TMEM259: variants seen among roughly 807,000 people sequenced by gnomAD.
The protein encoded by TMEM259 is membralin.
A neutral mutation model predicts 46.7 loss-of-function variants in TMEM259; 26 were observed. The ratio of observed to expected loss-of-function variants is 0.56; its 90% confidence interval spans 0.41 to 0.77. The LOEUF (loss-of-function observed/expected upper bound fraction) is 0.77. TMEM259 is among the 30% of genes least tolerant of loss of function. TMEM259 has a pLI of 0.00. For synonymous variants in TMEM259, 494 were observed against 395.1 expected (o/e 1.25, Z -2.97); for missense variants, 930 against 900.5 (o/e 1.03, Z -0.42).
chr19:1,021,033 C>A lies in TMEM259; in HGVS notation c.-37G>T. 1.5e-6 allele frequency: 2 copies of A among 1,330,150 alleles called. No homozygotes were observed. The highest frequency in any genetic ancestry group is 1.7e-5 in the South Asian group (1 of 57,478). The allele number at this position is 1,330,150 out of a possible 1,614,324, so 82.4% of individuals were successfully genotyped here. A position where few individuals can be genotyped will look rare whatever the true frequency, so the allele number is the denominator to read the frequency against. On this transcript the variant is annotated 5_prime_UTR_variant, in exon 1 of 11. Coordinates refer to ENST00000356663, the MANE Select transcript of TMEM259 (RefSeq NM_001033026.2). ...TCGCGCCCTAACGACCCGCAAGTGT[C>A]CGAGGGCGCCTCCCGGCCGCCATCG...
At chr19:1,016,649 C>A (rs553133681) in intron 1 of TMEM259, among the ~76,000 whole-genome samples, 10 of 152,216 alleles carry the variant, frequency 6.6e-5, no homozygotes, top group African/African-American at 2.4e-4. Flanking sequence ...GGAACTGACA[C>A]AGAGGTCCCG....
At chr19:1,011,831 G>GCTGCGAGGGC in intron 6 of TMEM259, 33 bp from the exon 7 acceptor site, 1 of 1,587,254 alleles carries the variant, frequency 6.3e-7, no homozygotes, top group Non-Finnish European at 8.6e-7. Context: ...GCTATGAGGG[G>GCTGCGAGGGC]CTGCGAGGGC....
chr19:1,009,690 A>C lies in TMEM259; in HGVS notation c.*660T>G. On this transcript the variant is annotated 3_prime_UTR_variant, in exon 11 of 11. Coordinates refer to ENST00000356663, the MANE Select transcript of TMEM259 (RefSeq NM_001033026.2). ...ACAGTTTATTCTATATACAAACACA[A>C]TTTTGTACACTGCAATTAAATAGAA... 9.4e-7 allele frequency: 1 copy of C among 1,059,650 alleles called. No individual in the cohort carries two copies. The highest frequency in any genetic ancestry group is 1.3e-6 in the Non-Finnish European group (1 of 798,244). 65.6% of individuals were successfully genotyped at this position (1,059,650 alleles called of 1,614,324 possible).
intron 10 of TMEM259, 61 bp from the exon 11 acceptor site, chr19:1,010,956 C>T: frequency 6.4e-7 from 1 of 1,561,684 alleles, no homozygotes; most frequent in East Asian, 2.3e-5. Context: ...GCCGCTGCTC[C>T]CAGAGGGCAG....
At chr19:1,015,982 A>G (rs117062406) in intron 1 of TMEM259, among the ~76,000 whole-genome samples, 1,927 of 152,264 alleles carry the variant, frequency 0.013, 1 homozygote, top group Non-Finnish European at 0.021. Flanking sequence ...GTCTAGCCGC[A>G]CGTGCACCTG....
intron 9 of TMEM259, 29 bp downstream of exon 9, chr19:1,011,338 A>G (rs1035358839): frequency 1.9e-6 from 3 of 1,556,380 alleles, no homozygotes; most frequent in African/African-American, 2.7e-5. Flanking sequence ...ACCAGCACCC[A>G]CTCCACCCTG....
Position 1,011,763 on chromosome 19 carries a change from G to A in TMEM259, c.978C>T (p.His326=), listed in dbSNP as rs1235573670. The change falls in exon 7 of 11, where the codon CAC becomes CAT. Residue 326 remains histidine (H), a synonymous_variant. Coordinates refer to ENST00000356663, the MANE Select transcript of TMEM259 (RefSeq NM_001033026.2). ...LSVSMLLRYS[H]HQIFVFIVDL... ...CACCGATGAAGACGAAGATCTGGTG[G>A]TGTGAGTACCGCAGCAGCATGGACA... 5.8e-6 allele frequency: 9 copies of A among 1,559,230 alleles called. No individual in the cohort carries two copies. The highest frequency in any genetic ancestry group is 3.8e-5 in the Admixed American group (2 of 52,494).
chr19:1,020,908 G>A lies in TMEM259; in HGVS notation c.89C>T (p.Pro30Leu), dbSNP rs377599824. Residue 30 changes from proline (P) to leucine (L), a missense_variant, in exon 1 of 11, where the codon CCC (proline) becomes CTC (leucine). Coordinates refer to ENST00000356663, the MANE Select transcript of TMEM259 (RefSeq NM_001033026.2). The surrounding 1 kb of genome is among the most constrained non-coding windows in gnomAD (Gnocchi z 4.0). Reference protein sequence around the residue: ...GPAPARGPRTPNLNPNPLINV... With the variant: ...GPAPARGPRTLNLNPNPLINV... ...GATGAGGGGGTTGGGGTTGAGATTG[G>A]GGGTGCGAGGCCCGCGCGCGGGGGC... 7.8e-5 allele frequency: 100 copies of A among 1,282,500 alleles called. 1 individual carries two copies. The South Asian group carries it at 1.1e-3, about 14-fold the overall frequency. The allele number at this position is 1,282,500 out of a possible 1,614,324, so 79.4% of individuals were successfully genotyped here.
At chr19:1,014,081 C>G (rs1171339752) in intron 2 of TMEM259, 111 bp downstream of exon 2, 33 of 1,367,078 alleles carry the variant, frequency 2.4e-5, no homozygotes, top group Non-Finnish European at 2.2e-5. Flanking sequence ...CATGCCAGGT[C>G]CCTGAAAGTC....
Position 1,011,195 on chromosome 19 carries a change from C to T in TMEM259, c.1218G>A (p.Arg406=). The part of the protein sequence containing the change: ...HTSTSKRHWL[R]FFYLYHFAFY... The stretch of plus-strand genomic sequence containing the variant: ...AGGCGAAGTGGTAGAGATAGAAGAA[C>T]CTGCGGGGCGGGGTGAGGGCGTCGG... The change falls in exon 10 of 11, where the codon CGG becomes CGA. Residue 406 remains arginine (R), a splice_region_variant and synonymous_variant. Coordinates refer to ENST00000356663, the MANE Select transcript of TMEM259 (RefSeq NM_001033026.2). 5 of 1,590,888 alleles carry T rather than the reference C, an allele frequency of 3.1e-6. No individual in the cohort carries two copies. Among genetic ancestry groups the T allele is most frequent in the South Asian group, 1.1e-5 (1 of 88,354 alleles).
chr19:1,020,732 GC>G lies in TMEM259; in HGVS notation c.225+39del, dbSNP rs1420139357. The G allele has an allele frequency of 7.9e-7, 1 of 1,272,266 alleles. No individual in the cohort carries two copies. Among genetic ancestry groups the G allele is most frequent in the African/African-American group, 1.5e-5 (1 of 64,598 alleles). 78.8% of individuals were successfully genotyped at this position (1,272,266 alleles called of 1,614,324 possible). On this transcript the variant is annotated intron_variant, in intron 1 of 10. Transcript: ENST00000356663. The surrounding 1 kb of genome is among the most constrained non-coding windows in gnomAD (Gnocchi z 4.0). ...GGTAGCAGACTTGGGGGTCGGGACA[GC>G]CGCTGGGGTCAAGGGTCGGGGGTCG...
chr19:1,016,817 A>T (rs973917820), intron 1 of TMEM259, among the ~76,000 whole-genome samples: 3 of 152,146 alleles, frequency 2.0e-5, no homozygotes, highest in African/African-American at 7.2e-5. Flanking sequence ...CAGGACACAC[A>T]TCCTGCCACA....
At chr19:1,013,147 AGGCTGGGGATGTTCGGAGGGACCCC>A in intron 3 of TMEM259, 69 bp downstream of exon 3, 1 of 1,109,558 alleles carries the variant, frequency 9.0e-7, no homozygotes. Flanking sequence ...TGCAGCCAGC[AGGCTGGGGATGTTCGGAGGGACCCC>A]GCCTGCACCC....
At chr19:1,014,148 C>A (rs765254930) in intron 2 of TMEM259, 44 bp downstream of exon 2, 1 of 1,577,992 alleles carries the variant, frequency 6.3e-7, no homozygotes, top group Non-Finnish European at 8.7e-7. Flanking sequence ...CCAGCATCTA[C>A]GGGGCGCTGG....
At chr19:1,011,544 C>T (rs766240963) in intron 8 of TMEM259, 36 bp downstream of exon 8, 1 of 1,525,034 alleles carries the variant, frequency 6.6e-7, no homozygotes, top group African/African-American at 1.4e-5. Flanking sequence ...GGGCGGGGTG[C>T]AGCGCGGGGC....
In TMEM259 at chr19:1,020,057, C is replaced by T. The variant is rs968367796; in HGVS notation, c.225+715G>A. Among the ~76,000 whole-genome samples the T allele has an allele frequency of 1.3e-5, 2 of 152,028 alleles. No individual in the cohort carries two copies. Among genetic ancestry groups the T allele is most frequent in the Admixed American group, 1.3e-4 (2 of 15,254 alleles). ...CATAGGGGAGGCACGGGCGACAGAC[C>T]CACAACCTGAGCTCCTGAAGCAGGA... On this transcript the variant is annotated intron_variant, in intron 1 of 10. Coordinates refer to ENST00000356663, the MANE Select transcript of TMEM259 (RefSeq NM_001033026.2). The surrounding 1 kb of genome is among the most constrained non-coding windows in gnomAD (Gnocchi z 4.0).
At chr19:1,016,592 G>C (rs1393775816) in intron 1 of TMEM259, among the ~76,000 whole-genome samples, 1 of 152,228 alleles carries the variant, frequency 6.6e-6, no homozygotes, top group East Asian at 1.9e-4. Context: ...GCTGTCCAAC[G>C]CTTCACAAGG....
intron 1 of TMEM259, among the ~76,000 whole-genome samples, chr19:1,016,011 TC>T (rs1183429582): frequency 6.6e-6 from 1 of 152,110 alleles, no homozygotes; most frequent in Non-Finnish European, 1.5e-5. Context: ...CCCATCACAC[TC>T]CCCAGCCCCA....
At chr19:1,019,735 C>G (rs904132678) in intron 1 of TMEM259, among the ~76,000 whole-genome samples, 2 of 152,218 alleles carry the variant, frequency 1.3e-5, no homozygotes, top group African/African-American at 4.8e-5. Flanking sequence ...CATCGGACCC[C>G]TCTTTGCAGG....
Sources: gnomAD v4.1 joint callset for allele counts (sites outside exome capture counted in the v4.1 genomes callset) on GRCh38, gnomAD v4.1.1 for gene constraint, Gnocchi (gnomAD v3.1) non-coding constraint, MANE v1.5 for transcripts, NCBI Gene and HGNC (gene_info 2026-07-23, HGNC 2026-07-21) for gene names.